The following BANP variants were observed in gnomAD, a reference collection of about 807,000 sequenced individuals.
BANP encodes protein BANP.
Under a neutral mutation model 68.1 loss-of-function variants are expected in BANP, and 11 were observed. The observed-to-expected ratio is 0.16, with a 90% CI of 0.10 to 0.27. BANP has a LOEUF of 0.27. BANP is among the 10% of genes least tolerant of loss of function. The pLI, the probability that BANP is intolerant of heterozygous loss-of-function variation, is 1.00. For synonymous variants in BANP, 329 were observed against 303.2 expected, an observed-to-expected ratio of 1.09 and a Z score of -0.88; for missense variants, 504 against 722.7, an observed-to-expected ratio of 0.70 and a Z score of 3.47.
intron 13 of BANP, among the ~76,000 whole-genome samples, chr16:88,074,675 C>G (rs1235280274): frequency 6.6e-6 from 1 of 151,220 alleles, no homozygotes; most frequent in East Asian, 2.0e-4. Context: ...AGGGGCTTTG[C>G]ATCCCAGGCG....
intron 11 of BANP, among the ~76,000 whole-genome samples, chr16:88,052,075 C>T (rs954940759): frequency 6.6e-6 from 1 of 152,190 alleles, no homozygotes; most frequent in Non-Finnish European, 1.5e-5. Context: ...ATTGGGCACT[C>T]TTAACAGCCA....
chr16:88,025,053 T>G (rs1213521948), intron 7 of BANP, among the ~76,000 whole-genome samples: 5 of 152,076 alleles, frequency 3.3e-5, no homozygotes, highest in Non-Finnish European at 2.9e-5. Context: ...GGTGGGAGGG[T>G]CACAGGAGGG....
chr16:87,988,003 A>C (rs894391659), intron 4 of BANP, among the ~76,000 whole-genome samples: 10 of 152,294 alleles, frequency 6.6e-5, no homozygotes, highest in Admixed American at 6.5e-4. Context: ...CAAGTCCTGA[A>C]AATTAGAAAT....
rs571669674 is a variant in BANP at position 88,003,785 on chromosome 16, C to T, written c.363-510C>T. The T allele has an allele frequency of 3.5e-5, 11 of 315,336 alleles. No individual in the cohort carries two copies. Among genetic ancestry groups the T allele is most frequent in the Non-Finnish European group, 6.2e-5 (10 of 161,406 alleles). The allele number at this position is 315,336 out of a possible 1,614,324, so 19.5% of individuals were successfully genotyped here. ...GTGTGTCCTTCCATCCCAAGTCCAA[C>T]GTGATGTTTGCCCCTTTCTTTCCAG... is the stretch of plus-strand genomic sequence containing the variant. On this transcript the variant is annotated intron_variant, in intron 4 of 13. Coordinates refer to ENST00000682872, the MANE Select transcript of BANP (RefSeq NM_001386991.1). This position sits in a 1 kb window ranked among gnomAD's most constrained non-coding sequence, Gnocchi z 6.1.
intron 2 of BANP, 83 bp from the exon 3 acceptor site, chr16:87,980,953 A>C: frequency 1.1e-6 from 1 of 895,702 alleles, no homozygotes; most frequent in Admixed American, 1.9e-5. Context: ...TTAAGGTGTC[A>C]GCACTGTTTA....
intron 12 of BANP, among the ~76,000 whole-genome samples, chr16:88,068,848 A>G (rs564215688): frequency 6.6e-6 from 1 of 151,966 alleles, no homozygotes; most frequent in East Asian, 1.9e-4. Context: ...TTTCTTGGGA[A>G]GAAGGTTCTC....
intron 13 of BANP, among the ~76,000 whole-genome samples, chr16:88,073,925 C>T (rs551672101): frequency 5.9e-5 from 9 of 152,242 alleles, no homozygotes; most frequent in South Asian, 2.1e-4. Context: ...TAGGATCCAT[C>T]GTAACAGCCA....
intron 4 of BANP, among the ~76,000 whole-genome samples, chr16:87,996,693 C>T (rs2067347059): frequency 6.6e-6 from 1 of 152,216 alleles, no homozygotes; most frequent in African/African-American, 2.4e-5. Context: ...GTCCTGGGCG[C>T]CGGCTGGGCT....
chr16:87,967,297 C>T (rs1302848351), intron 1 of BANP, among the ~76,000 whole-genome samples: 2 of 126,302 alleles, frequency 1.6e-5, no homozygotes, highest in Non-Finnish European at 3.2e-5. Context: ...TTAGTAGAGA[C>T]GGGGTTTCAC....
At chr16:87,952,293 T>G (rs1597628854) in intron 1 of BANP, 1 of 152,264 alleles carries the variant, frequency 6.6e-6, no homozygotes, top group Non-Finnish European at 1.5e-5. Context: ...GTCTTGCTAT[T>G]GGAGAAATAC....
chr16:88,016,283 A>C (rs918768227), intron 6 of BANP, among the ~76,000 whole-genome samples: 4 of 152,238 alleles, frequency 2.6e-5, no homozygotes, highest in African/African-American at 9.6e-5. Flanking sequence ...CCAATGCTCC[A>C]GAGCCGCCTC....
intron 10 of BANP, chr16:88,037,634 CAT>C (rs1218406327): frequency 1.2e-5 from 4 of 346,380 alleles, no homozygotes; most frequent in African/African-American, 2.2e-5. Flanking sequence ...GCGACACACA[CAT>C]AGGACGTCTC....
chr16:87,994,966 C>A (rs1329794230), intron 4 of BANP, among the ~76,000 whole-genome samples: 2 of 152,158 alleles, frequency 1.3e-5, no homozygotes, highest in African/African-American at 4.8e-5. Flanking sequence ...GTGGGCGATT[C>A]TGGTCCTCCC....
intron 11 of BANP, among the ~76,000 whole-genome samples, chr16:88,041,654 G>A (rs1714395313): frequency 2.0e-5 from 3 of 150,382 alleles, no homozygotes; most frequent in East Asian, 2.0e-4. Flanking sequence ...GGGCTGCCTC[G>A]ACCTCCTTTC....
chr16:88,017,991 T>C (rs1452901873), intron 6 of BANP, among the ~76,000 whole-genome samples: 1 of 151,978 alleles, frequency 6.6e-6, no homozygotes, highest in Non-Finnish European at 1.5e-5. Context: ...CTCTGCGTCT[T>C]TCTTGGTGGG....
chr16:88,052,351 A>G (rs142548815), intron 11 of BANP, among the ~76,000 whole-genome samples: 286 of 152,220 alleles, frequency 1.9e-3, no homozygotes, highest in African/African-American at 6.5e-3. Context: ...GCTTTCTCCT[A>G]TGTCTTCACC....
In BANP at chr16:87,984,308, C is replaced by T. The variant is rs767259576; in HGVS notation, c.362+49C>T. Reference sequence around the variant, plus strand: ...GGCCTTCAGGTCACTTGGGGAGAAGCGCGTCACCTCCTCGCCCAGGCCCGC... The same window carrying T: ...GGCCTTCAGGTCACTTGGGGAGAAGTGCGTCACCTCCTCGCCCAGGCCCGC... On this transcript the variant is annotated intron_variant, in intron 4 of 13. Coordinates refer to ENST00000682872, the MANE Select transcript of BANP (RefSeq NM_001386991.1). 3.6e-5 allele frequency: 52 copies of T among 1,451,810 alleles called. No homozygotes were observed. The Admixed American group carries it at 8.4e-4, about 24-fold the overall frequency. The allele number at this position is 1,451,810 out of a possible 1,614,324, so 89.9% of individuals were successfully genotyped here. A position where few individuals can be genotyped will look rare whatever the true frequency, so the allele number is the denominator to read the frequency against.
At position 87,974,507 on chromosome 16, in the gene BANP, G is replaced by A. The variant is rs1388075927; in HGVS notation, c.-68-541G>A. ...GAACAGAGGTGCTGCCACTCCGCCG[G>A]GCCTGTGGGGTAGCAGAAACGGAGT... On this transcript the variant is annotated intron_variant, in intron 1 of 13. Coordinates refer to ENST00000682872, the MANE Select transcript of BANP (RefSeq NM_001386991.1). Among the ~76,000 whole-genome samples the A allele has an allele frequency of 3.3e-5, 5 of 152,316 alleles. No homozygotes were observed. The East Asian group carries it at 5.8e-4, about 18-fold the overall frequency.
intron 8 of BANP, 131 bp from the exon 9 acceptor site, chr16:88,032,978 G>T (rs559405921): frequency 1.3e-5 from 14 of 1,083,814 alleles, no homozygotes; most frequent in Non-Finnish European, 1.5e-5. Context: ...GCAGTGAGTC[G>T]AGGAAAAATG....
Sources: allele counts gnomAD v4.1 joint callset (sites outside exome capture counted in the v4.1 genomes callset), GRCh38; gene constraint gnomAD v4.1.1; non-coding constraint Gnocchi (gnomAD v3.1); transcripts MANE v1.5; gene names NCBI Gene and HGNC (gene_info 2026-07-23, HGNC 2026-07-21).